PARD3B: variants seen among roughly 807,000 people sequenced by gnomAD.
PARD3B encodes partitioning defective 3 homolog B.
Under a neutral mutation model 130.2 loss-of-function variants are expected in PARD3B, and 103 were observed. The observed-to-expected ratio is 0.79, with a 90% confidence interval of 0.67 to 0.93. PARD3B has a LOEUF of 0.93. Among genes scored for constraint, PARD3B ranks in the 40% least tolerant of loss-of-function variants. PARD3B has a pLI of 0.00. For missense variants in PARD3B, 1,609 were observed against 1,499.2 expected (o/e 1.07, Z -1.21); for synonymous variants, 583 against 553.2 (o/e 1.05, Z -0.76).
intron 15 of PARD3B, among the ~76,000 whole-genome samples, chr2:205,237,563 G>A (rs2039124195): frequency 2.0e-5 from 3 of 152,096 alleles, no homozygotes; most frequent in Admixed American, 2.0e-4. Flanking sequence ...AACATTTGCA[G>A]GTTGAAAGAA....
chr2:204,873,634 C>T (rs1032843167), intron 2 of PARD3B, among the ~76,000 whole-genome samples: 4 of 152,124 alleles, frequency 2.6e-5, no homozygotes, highest in Non-Finnish European at 4.4e-5. Flanking sequence ...AACAAAACAA[C>T]ATGAAATTAC....
intron 4 of PARD3B, among the ~76,000 whole-genome samples, chr2:205,084,888 A>G (rs1701649751): frequency 1.3e-5 from 2 of 152,052 alleles, no homozygotes; most frequent in South Asian, 2.1e-4. Flanking sequence ...CTTTTTCTCT[A>G]TATATTCCTT....
At chr2:205,130,169 A>G (rs746159561) in intron 10 of PARD3B, among the ~76,000 whole-genome samples, 1 of 152,170 alleles carries the variant, frequency 6.6e-6, no homozygotes, top group Non-Finnish European at 1.5e-5. Context: ...ACTGGGTGAG[A>G]GTTTACTGAA....
intron 15 of PARD3B, among the ~76,000 whole-genome samples, chr2:205,243,249 G>A (rs1365843670): frequency 6.6e-6 from 1 of 151,660 alleles, no homozygotes; most frequent in Non-Finnish European, 1.5e-5. Flanking sequence ...TATGATGTTA[G>A]TCTCTCTTTC....
intron 16 of PARD3B, among the ~76,000 whole-genome samples, chr2:205,264,579 A>G (rs569142197): frequency 6.6e-6 from 1 of 151,312 alleles, no homozygotes; most frequent in South Asian, 2.1e-4. Context: ...ACATGAGAAC[A>G]TAGAAGTCAT....
At position 205,399,449 on chromosome 2, in the gene PARD3B, T is replaced by G. The variant is rs569105520; in HGVS notation, c.2631-1564T>G. On this transcript the variant is annotated intron_variant, in intron 18 of 22. Transcript: ENST00000406610. Reference sequence around the variant, plus strand: ...GGCTCACTGCAACCTCTGCCTCCTGTGTTCAAGTGATTCTCCTGCCTCAGC... The same window carrying G: ...GGCTCACTGCAACCTCTGCCTCCTGGGTTCAAGTGATTCTCCTGCCTCAGC... 1.5e-4 allele frequency among the ~76,000 whole-genome samples: 23 copies of G among 151,788 alleles called. No homozygotes were observed. The South Asian group carries it at 2.5e-3, about 17-fold the overall frequency.
At chr2:205,377,857 G>T (rs849212) in intron 18 of PARD3B, among the ~76,000 whole-genome samples, 1 of 147,852 alleles carries the variant, frequency 6.8e-6, no homozygotes, top group Non-Finnish European at 1.5e-5. Flanking sequence ...TGCAACCTCC[G>T]TCTTCTGGGT....
At chr2:205,051,693 A>G (rs1160915211) in intron 4 of PARD3B, among the ~76,000 whole-genome samples, 3 of 152,196 alleles carry the variant, frequency 2.0e-5, no homozygotes, top group East Asian at 3.9e-4. Context: ...TAAATTTATT[A>G]CAAATTGGTT....
intron 15 of PARD3B, among the ~76,000 whole-genome samples, chr2:205,207,671 G>A (rs2037395119): frequency 7.1e-6 from 1 of 141,788 alleles, no homozygotes; most frequent in Non-Finnish European, 1.5e-5. Context: ...AAACCAGGAA[G>A]AAGTTGAATC....
intron 2 of PARD3B, among the ~76,000 whole-genome samples, chr2:204,732,323 C>G (rs982023563): frequency 1.3e-5 from 2 of 152,066 alleles, no homozygotes; most frequent in African/African-American, 4.8e-5. Context: ...GCTAGAAAGG[C>G]AAGTTGGTGG....
chr2:204,661,293 G>T (rs1309386935), intron 1 of PARD3B, among the ~76,000 whole-genome samples: 1 of 152,138 alleles, frequency 6.6e-6, no homozygotes, highest in South Asian at 2.1e-4. Flanking sequence ...GAATCCACAA[G>T]GCTGGTGTTA....
At chr2:205,435,434 A>G (rs2047479782) in intron 19 of PARD3B, among the ~76,000 whole-genome samples, 1 of 152,082 alleles carries the variant, frequency 6.6e-6, no homozygotes. Flanking sequence ...AATTATAATA[A>G]AGAAATTTAT....
rs1287175477 is a variant in PARD3B, at chr2:205,407,430, A to T, written c.2741+6307A>T. Among the ~76,000 whole-genome samples, 2 of 152,252 alleles carry T rather than the reference A, an allele frequency of 1.3e-5. No individual in the cohort carries two copies. ...CTTCCAACATTTTTCAAACTAAATT[A>T]AATTAGCATTTTTCACACATTCAGA... On this transcript the variant is annotated intron_variant, in intron 19 of 22. Coordinates refer to ENST00000406610, the MANE Select transcript of PARD3B (RefSeq NM_001302769.2). The surrounding 1 kb of genome is among the most constrained non-coding windows in gnomAD (Gnocchi z 4.1).
intron 1 of PARD3B, among the ~76,000 whole-genome samples, chr2:204,555,991 T>A (rs2125049004): frequency 6.6e-6 from 1 of 152,322 alleles, no homozygotes; most frequent in South Asian, 2.1e-4. Context: ...ACTGTATTTC[T>A]TGTCTCCATC....
At chr2:205,180,994 A>G (rs1384605139) in intron 13 of PARD3B, among the ~76,000 whole-genome samples, 1 of 152,150 alleles carries the variant, frequency 6.6e-6, no homozygotes, top group Non-Finnish European at 1.5e-5. Context: ...AGCCTCATGC[A>G]GTTTGCCTCT....
chr2:205,499,891 T>C lies in PARD3B; in HGVS notation c.3045-5T>C, dbSNP rs374879796. ...TGAATCTGATTATTTGTCTATATCCTGTAGTGGCCGTCCTACGGGTGGAAG... is the reference window on the plus strand; with the variant it reads ...TGAATCTGATTATTTGTCTATATCCCGTAGTGGCCGTCCTACGGGTGGAAG... On this transcript the variant is annotated splice_region_variant and splice_polypyrimidine_tract_variant and intron_variant, in intron 20 of 22. Transcript: ENST00000406610. The C allele has an allele frequency of 9.9e-6, 16 of 1,613,304 alleles. 1 individual carries two copies. Among genetic ancestry groups the C allele is most frequent in the Middle Eastern group, 1.7e-4 (1 of 6,046 alleles).
At chr2:205,450,634 C>T (rs778339575) in intron 20 of PARD3B, among the ~76,000 whole-genome samples, 17 of 151,754 alleles carry the variant, frequency 1.1e-4, no homozygotes, top group Non-Finnish European at 8.8e-5. Context: ...CCACCACATC[C>T]GGCTAATTTT....
chr2:204,616,089 AG>A (rs2034102111), intron 1 of PARD3B, among the ~76,000 whole-genome samples: 1 of 152,162 alleles, frequency 6.6e-6, no homozygotes, highest in Non-Finnish European at 1.5e-5. Context: ...ACAACACCAA[AG>A]GCACAGTACA....
At chr2:205,173,103 A>G (rs897862431) in intron 12 of PARD3B, among the ~76,000 whole-genome samples, 5 of 152,172 alleles carry the variant, frequency 3.3e-5, no homozygotes, top group Non-Finnish European at 5.9e-5. Flanking sequence ...AATAGTACTG[A>G]AAGTTTAGAA....
Sources: gnomAD v4.1 joint callset for allele counts (sites outside exome capture counted in the v4.1 genomes callset) on GRCh38, gnomAD v4.1.1 for gene constraint, Gnocchi (gnomAD v3.1) non-coding constraint, MANE v1.5 for transcripts, NCBI Gene and HGNC (gene_info 2026-07-23, HGNC 2026-07-21) for gene names.